Variants in CDKL3 observed in about 807,000 individuals in gnomAD.
CDKL3 encodes cyclin dependent kinase like 3, also known as cyclin-dependent kinase-like 3.
Under a neutral mutation model 69.3 loss-of-function variants are expected in CDKL3, and 65 were observed. The observed-to-expected ratio is 0.94, with a 90% CI of 0.77 to 1.15. The LOEUF is 1.15. CDKL3 is among the 50% of genes most tolerant of loss of function. The pLI, the probability that CDKL3 is intolerant of heterozygous loss-of-function variation, is 0.00. For synonymous variants in CDKL3, 202 were observed against 221.6 expected (o/e 0.91, Z 0.79); for missense variants, 652 against 689.2 (o/e 0.95, Z 0.61).
upstream of CDKL3, among the ~76,000 whole-genome samples, chr5:134,367,855 A>G (rs1004047732): frequency 2.0e-5 from 3 of 152,334 alleles, no homozygotes; most frequent in East Asian, 1.9e-4. Context: ...GCACGGAAAT[A>G]AAGAGGCCAG....
In CDKL3 at chr5:134,350,297, C is replaced by T. The variant is rs1443898936; in HGVS notation, c.491G>A (p.Arg164His). ...TACTAATTCGGGAGCTCTATACCAG[C>T]GTGTGGCCACATAGTCCGTATAAAT... ...GDIYTDYVAT[R>H]WYRAPELVLK... Residue 164 changes from arginine to histidine, a missense_variant, in exon 4 of 13, where the codon CGC becomes CAC. Transcript: ENST00000265334. 4 of 1,592,574 alleles carry T rather than the reference C, an allele frequency of 2.5e-6. No homozygotes were observed. Among genetic ancestry groups the T allele is most frequent in the African/African-American group, 2.7e-5 (2 of 74,572 alleles).
intron 5 of CDKL3, among the ~76,000 whole-genome samples, chr5:134,321,005 C>CTTTT (rs1047803739): frequency 1.5e-4 from 18 of 123,568 alleles, no homozygotes; most frequent in East Asian, 2.3e-4. Flanking sequence ...CAAACATATT[C>CTTTT]TTTTTTTTTT....
chr5:134,368,616 CTCA>C (rs1757969528), upstream of CDKL3, among the ~76,000 whole-genome samples: 1 of 48,144 alleles, frequency 2.1e-5, no homozygotes, highest in Non-Finnish European at 4.1e-5. Context: ...GAGACTCCAT[CTCA>C]AAAAAAAAAA....
At chr5:134,345,845 G>A (rs752181068) in intron 4 of CDKL3, among the ~76,000 whole-genome samples, 1 of 152,152 alleles carries the variant, frequency 6.6e-6, no homozygotes, top group Non-Finnish European at 1.5e-5. Flanking sequence ...GCTTAGGTTG[G>A]GCTCAGAGGC....
upstream of CDKL3, chr5:134,367,362 C>G: frequency 3.2e-6 from 2 of 622,332 alleles, no homozygotes; most frequent in African/African-American, 4.3e-5. Flanking sequence ...TAGGAAGGAT[C>G]TGCATCTTTT....
chr5:134,370,284 A>G (rs987530550), upstream of CDKL3, among the ~76,000 whole-genome samples: 1 of 152,228 alleles, frequency 6.6e-6, no homozygotes, highest in African/African-American at 2.4e-5. Context: ...GAAGCAATAG[A>G]GGGAAGGACG....
downstream of CDKL3, among the ~76,000 whole-genome samples, chr5:134,285,228 G>GTTTCACA (rs542387160): frequency 5.6e-4 from 85 of 152,276 alleles, no homozygotes; most frequent in African/African-American, 2.0e-3. Flanking sequence ...TCTGTGTGGG[G>GTTTCACA]GCTCCAACCC....
Position 134,321,842 on chromosome 5 carries a change from G to A in CDKL3, c.601C>T (p.Leu201Phe). 6.2e-7 allele frequency: 1 copy of A among 1,612,412 alleles called. No individual in the cohort carries two copies. ...AAATCCAAATCAGAACTACTAGGAA[G>A]ATAGGGATTTCCAGTGGCCATCTCA... ...IIEMATGNPY[L>F]PSSSDLDLLH... Residue 201 changes from leucine (L) to phenylalanine (F), a missense_variant, in exon 5 of 13, where the codon CTT becomes TTT. Physicochemically the swap from Leu to Phe is conservative, Grantham distance 22 (BLOSUM62 0). Coordinates refer to ENST00000265334, the MANE Select transcript of CDKL3 (RefSeq NM_001113575.2).
intron 11 of CDKL3, among the ~76,000 whole-genome samples, chr5:134,303,707 A>G (rs1019838078): frequency 4.7e-5 from 7 of 148,676 alleles, no homozygotes; most frequent in African/African-American, 1.7e-4. Context: ...AAAATTAGCC[A>G]GGCGTGTTGG....
intron 8 of CDKL3, among the ~76,000 whole-genome samples, chr5:134,290,323 A>G (rs1015719667): frequency 2.7e-5 from 4 of 147,792 alleles, no homozygotes; most frequent in Non-Finnish European, 4.5e-5. Flanking sequence ...CCACTGTACT[A>G]CAGACTGGTG....
At chr5:134,340,376 A>G (rs538843838) in intron 4 of CDKL3, among the ~76,000 whole-genome samples, 1 of 152,320 alleles carries the variant, frequency 6.6e-6, no homozygotes, top group African/African-American at 2.4e-5. Context: ...TTAAAAAGCA[A>G]AAGTTCATTA....
At chr5:134,303,055 A>T (rs1279275174) in intron 11 of CDKL3, among the ~76,000 whole-genome samples, 1 of 152,148 alleles carries the variant, frequency 6.6e-6, no homozygotes, top group Admixed American at 6.6e-5. Context: ...TATTCAAGAC[A>T]AAAGTGCGTT....
At chr5:134,367,289 G>T, upstream of CDKL3, 2 of 985,392 alleles carry the variant, frequency 2.0e-6, no homozygotes, top group Non-Finnish European at 2.4e-6. Context: ...TTGGGAATGG[G>T]GGAGGGGAGT....
intron 8 of CDKL3, among the ~76,000 whole-genome samples, chr5:134,292,639 A>G (rs913297979): frequency 4.6e-5 from 7 of 152,080 alleles, no homozygotes; most frequent in Non-Finnish European, 8.8e-5. Flanking sequence ...AATAGAAATA[A>G]TAAAACAAAA....
chr5:134,345,029 C>A (rs1271172478), intron 4 of CDKL3, among the ~76,000 whole-genome samples: 5 of 152,044 alleles, frequency 3.3e-5, no homozygotes, highest in Non-Finnish European at 5.9e-5. Context: ...CACGCCACTG[C>A]ACTCCAGCCT....
Position 134,316,098 on chromosome 5 carries a change from G to A in CDKL3, c.792+3260C>T, listed in dbSNP as rs1335144891. 2.6e-5 allele frequency among the ~76,000 whole-genome samples: 4 copies of A among 152,004 alleles called. No individual in the cohort carries two copies. In the South Asian group the frequency reaches 6.2e-4, roughly 24 times the overall value. On this transcript the variant is annotated intron_variant, in intron 6 of 12. Coordinates refer to ENST00000265334, the MANE Select transcript of CDKL3 (RefSeq NM_001113575.2). ...TCCAAAGTAGCAGGGGACTATAGGC[G>A]CATGCCACTGTGCCTGGCTAGTTTT... is the stretch of plus-strand genomic sequence containing the variant.
chr5:134,292,853 T>A (rs1375467813), intron 8 of CDKL3, among the ~76,000 whole-genome samples: 1 of 152,044 alleles, frequency 6.6e-6, no homozygotes, highest in African/African-American at 2.4e-5. Context: ...TTGGGATGAA[T>A]CTATTCCTTG....
At chr5:134,316,302 A>C (rs1440032727) in intron 6 of CDKL3, among the ~76,000 whole-genome samples, 1 of 152,174 alleles carries the variant, frequency 6.6e-6, no homozygotes, top group Non-Finnish European at 1.5e-5. Flanking sequence ...ATATAGACAA[A>C]TACTAAAAAA....
intron 7 of CDKL3, among the ~76,000 whole-genome samples, chr5:134,310,744 C>T (rs904064757): frequency 6.6e-6 from 1 of 152,194 alleles, no homozygotes; most frequent in Non-Finnish European, 1.5e-5. Context: ...ACCTTGGCCT[C>T]CCAAAATGCT....
Sources: allele counts gnomAD v4.1 joint callset (sites outside exome capture counted in the v4.1 genomes callset), GRCh38; gene constraint gnomAD v4.1.1; transcripts MANE v1.5; gene names NCBI Gene and HGNC (gene_info 2026-07-23, HGNC 2026-07-21).